Variants in SULF1 observed in about 807,000 individuals in gnomAD.
SULF1 encodes the protein extracellular sulfatase Sulf-1.
Under a neutral mutation model 110.5 loss-of-function variants are expected in SULF1, and 46 were observed. The ratio of observed to expected loss-of-function variants is 0.42; its 90% CI spans 0.33 to 0.53. The LOEUF (loss-of-function observed/expected upper bound fraction) is 0.53, where lower values mean the gene tolerates loss of function less well. SULF1 is among the 20% of genes least tolerant of loss of function. SULF1 has a pLI of 0.12. For synonymous variants in SULF1, 371 were observed against 387.1 expected (o/e 0.96, Z 0.49); for missense variants, 941 against 1,094.2 (o/e 0.86, Z 1.98).
At chr8:69,508,372 T>TG (rs1811337837) in intron 3 of SULF1, among the ~76,000 whole-genome samples, 3 of 152,204 alleles carry the variant, frequency 2.0e-5, no homozygotes, top group African/African-American at 7.2e-5. Context: ...TCCAAAATGC[T>TG]GAGGTTACAG....
At chr8:69,594,312 A>G (rs1807142763) in intron 8 of SULF1, among the ~76,000 whole-genome samples, 1 of 152,124 alleles carries the variant, frequency 6.6e-6, no homozygotes, top group South Asian at 2.1e-4. Flanking sequence ...CAGGCTCCCA[A>G]AGTGCTGGGA....
At chr8:69,614,429 T>C (rs1808916592) in intron 13 of SULF1, among the ~76,000 whole-genome samples, 1 of 152,220 alleles carries the variant, frequency 6.6e-6, no homozygotes, top group South Asian at 2.1e-4. Flanking sequence ...AATGAAAAAT[T>C]CATAAAGAGT....
At chr8:69,617,416 TATATATATATATATATA>T (rs1563592278) in intron 13 of SULF1, among the ~76,000 whole-genome samples, 34 of 80,810 alleles carry the variant, frequency 4.2e-4, no homozygotes, top group Middle Eastern at 5.7e-3. Context: ...TATATATATA[TATATATATATATATATA>T]TGTTTTTTTT....
At chr8:69,597,558 A>G (rs543949896) in intron 8 of SULF1, 1 of 152,334 alleles carries the variant, frequency 6.6e-6, no homozygotes, top group African/African-American at 2.4e-5. Context: ...CATTCTGTAA[A>G]TCCGGGAGTC....
chr8:69,581,635 A>C (rs1290792247), intron 6 of SULF1, among the ~76,000 whole-genome samples: 1 of 152,244 alleles, frequency 6.6e-6, no homozygotes, highest in Admixed American at 6.5e-5. Flanking sequence ...ATATTGAACT[A>C]TACGTAACCT....
intron 7 of SULF1, among the ~76,000 whole-genome samples, chr8:69,588,026 TC>T (rs1452211586): frequency 6.6e-6 from 1 of 152,202 alleles, no homozygotes; most frequent in Non-Finnish European, 1.5e-5. Context: ...GGTCCTTAAA[TC>T]CACAACATGT....
intron 3 of SULF1, among the ~76,000 whole-genome samples, chr8:69,542,525 G>A (rs573321662): frequency 6.6e-6 from 1 of 152,000 alleles, no homozygotes; most frequent in South Asian, 2.1e-4. Flanking sequence ...CTCCGAATCT[G>A]TTTTGACCCC....
At position 69,659,475 on chromosome 8, in the gene SULF1, A is replaced by G; in HGVS notation, c.*940A>G. On this transcript the variant is annotated 3_prime_UTR_variant, in exon 23 of 23. Transcript: ENST00000402687. ...GAGCATGTGAGCAAGCGGTGTGCAC[A>G]CGGAGACTCATCGTTATAATTTACT... 1 of 283,936 alleles carries G rather than the reference A, an allele frequency of 3.5e-6. No individual in the cohort carries two copies. The highest frequency in any genetic ancestry group is 5.1e-5 in the Admixed American group (1 of 19,800). The allele number at this position is 283,936 out of a possible 1,614,324, so 17.6% of individuals were successfully genotyped here.
intron 3 of SULF1, among the ~76,000 whole-genome samples, chr8:69,542,156 A>T (rs1326404191): frequency 2.0e-5 from 3 of 152,174 alleles, no homozygotes; most frequent in Non-Finnish European, 4.4e-5. Context: ...TCTTCTTCCC[A>T]TACCTTCCTC....
At chr8:69,489,726 G>C (rs1809848085), upstream of SULF1, among the ~76,000 whole-genome samples, 1 of 151,788 alleles carries the variant, frequency 6.6e-6, no homozygotes, top group African/African-American at 2.4e-5. Flanking sequence ...ACAGGTGCCT[G>C]CCACCATGCC....
At chr8:69,644,447 A>C (rs1811724401) in intron 22 of SULF1, among the ~76,000 whole-genome samples, 2 of 150,722 alleles carry the variant, frequency 1.3e-5, no homozygotes, top group Admixed American at 6.6e-5. Flanking sequence ...AGTATATTTT[A>C]TAAGAAACAA....
chr8:69,569,969 A>G (rs1239683774), intron 5 of SULF1, among the ~76,000 whole-genome samples: 1 of 152,152 alleles, frequency 6.6e-6, no homozygotes, highest in Non-Finnish European at 1.5e-5. Context: ...TTTTAGAATT[A>G]GAATATTCAA....
At position 69,564,021 on chromosome 8, in the gene SULF1, G is replaced by A. The variant is rs868462864; in HGVS notation, c.46G>A (p.Glu16Lys). ...TCTGGTTTTGGCTGTCCTGGGCACA[G>A]AATTGCTGGGAAGCCTCTGTTCGAC... is the stretch of plus-strand genomic sequence containing the variant. ...CALVLAVLGT[E>K]LLGSLCSTVR... Residue 16 changes from glutamate to lysine, a missense_variant, in exon 5 of 23, where the codon GAA becomes AAA. Glu to Lys is a moderately conservative substitution (Grantham distance 56). Around this residue, in one of 3 missense-constraint regions of SULF1, gnomAD observed 822 missense variants for 934.3 expected, o/e 0.88. Transcript: ENST00000402687. 6.2e-7 allele frequency: 1 copy of A among 1,614,198 alleles called. No homozygotes were observed. Among genetic ancestry groups the A allele is most frequent in the Non-Finnish European group, 8.5e-7 (1 of 1,180,040 alleles).
At chr8:69,521,291 A>G (rs1183607326) in intron 3 of SULF1, among the ~76,000 whole-genome samples, 4 of 152,182 alleles carry the variant, frequency 2.6e-5, no homozygotes, top group African/African-American at 9.7e-5. Flanking sequence ...GCACAAAATA[A>G]TTAGAGATCC....
chr8:69,469,698 G>T (rs945800813), intron 1 of SULF1, among the ~76,000 whole-genome samples: 1 of 152,172 alleles, frequency 6.6e-6, no homozygotes, highest in Non-Finnish European at 1.5e-5. Flanking sequence ...TATTGGAAGG[G>T]TTAGAGGTTT....
chr8:69,604,148 G>A (rs954928484), intron 12 of SULF1, among the ~76,000 whole-genome samples: 2 of 152,110 alleles, frequency 1.3e-5, no homozygotes, highest in African/African-American at 4.8e-5. Flanking sequence ...AGAGAATGAC[G>A]ACTCCACATC....
At chr8:69,564,676 C>CT (rs1034061345) in intron 5 of SULF1, among the ~76,000 whole-genome samples, 1 of 152,184 alleles carries the variant, frequency 6.6e-6, no homozygotes, top group Non-Finnish European at 1.5e-5. Context: ...AGATATGATG[C>CT]TTTTTTATTT....
At chr8:69,519,982 G>T (rs528329295) in intron 3 of SULF1, among the ~76,000 whole-genome samples, 1 of 152,060 alleles carries the variant, frequency 6.6e-6, no homozygotes, top group Non-Finnish European at 1.5e-5. Flanking sequence ...AAGAGGTTTC[G>T]TATAAGAAAT....
intron 18 of SULF1, among the ~76,000 whole-genome samples, chr8:69,629,173 A>G (rs565640189): frequency 3.3e-5 from 5 of 152,240 alleles, no homozygotes; most frequent in Admixed American, 6.5e-5. Flanking sequence ...AGCTGGGACT[A>G]CAGGTGTGCG....
Sources: allele counts gnomAD v4.1 joint callset (sites outside exome capture counted in the v4.1 genomes callset), GRCh38; gene constraint gnomAD v4.1.1; regional missense constraint gnomAD v4.1.1; transcripts MANE v1.5; gene names NCBI Gene and HGNC (gene_info 2026-07-23, HGNC 2026-07-21).